ARID1A: variants seen among roughly 807,000 people sequenced by gnomAD.
The protein encoded by ARID1A is AT-rich interactive domain-containing protein 1A.
ARID1A carries 20 observed loss-of-function variants against 212.6 expected under a neutral mutation model. The observed-to-expected ratio is 0.09, with a 90% CI of 0.07 to 0.14. The LOEUF is 0.14. ARID1A is among the 10% of genes least tolerant of loss of function. ARID1A has a pLI of 1.00. For missense variants in ARID1A, 2,587 were observed against 3,059.0 expected (o/e 0.85, Z 3.64); for synonymous variants, 1,376 against 1,222.1 (o/e 1.13, Z -2.63).
At chr1:26,723,770 A>G (rs2080588707) in intron 1 of ARID1A, among the ~76,000 whole-genome samples, 1 of 152,072 alleles carries the variant, frequency 6.6e-6, no homozygotes, top group African/African-American at 2.4e-5. Context: ...CACCAGAGGG[A>G]TCACAGTACA....
At chr1:26,738,657 C>T (rs2080757621) in intron 4 of ARID1A, among the ~76,000 whole-genome samples, 1 of 152,072 alleles carries the variant, frequency 6.6e-6, no homozygotes, top group Non-Finnish European at 1.5e-5. Context: ...CTCCCGGGTT[C>T]CAGCGATTCT....
intron 1 of ARID1A, among the ~76,000 whole-genome samples, chr1:26,697,827 T>C (rs2080291682): frequency 2.5e-5 from 1 of 39,316 alleles, no homozygotes; most frequent in Non-Finnish European, 4.9e-5. Context: ...GGGCAGAGTG[T>C]GCGGGGAAGG....
rs921300696 is a variant in ARID1A at position 26,771,003 on chromosome 1, C to T, written c.3199-116C>T. On this transcript the variant is annotated intron_variant, in intron 11 of 19. Transcript: ENST00000324856. This position sits in a 1 kb window ranked among gnomAD's most constrained non-coding sequence, Gnocchi z 5.4. ...CAAGCAAGATTAACTTTTTCAATTACCTAAGAACTGTGGTTCTACAAAGAT... is the reference window on the plus strand; with the variant it reads ...CAAGCAAGATTAACTTTTTCAATTATCTAAGAACTGTGGTTCTACAAAGAT... The T allele has an allele frequency of 3.3e-5, 30 of 904,794 alleles. No homozygotes were observed. In the African/African-American group the frequency reaches 4.5e-4, roughly 14 times the overall value. The allele number at this position is 904,794 out of a possible 1,614,324, so 56.0% of individuals were successfully genotyped here.
At chr1:26,758,334 C>G (rs988631934) in intron 4 of ARID1A, among the ~76,000 whole-genome samples, 12 of 152,080 alleles carry the variant, frequency 7.9e-5, no homozygotes, top group African/African-American at 2.9e-4. Flanking sequence ...CTTATCATAT[C>G]AGGAGTTTGG....
At chr1:26,763,338 C>A in intron 8 of ARID1A, 53 bp downstream of exon 8, 1 of 1,503,286 alleles carries the variant, frequency 6.7e-7, no homozygotes, top group Non-Finnish European at 8.9e-7. Flanking sequence ...TATTATAGAC[C>A]CACTCAGATT....
intron 1 of ARID1A, among the ~76,000 whole-genome samples, chr1:26,720,133 C>T (rs12139449): frequency 1.3e-5 from 2 of 151,648 alleles, no homozygotes; most frequent in African/African-American, 4.9e-5. Context: ...CACCTGTAAT[C>T]TCAGCTACTC....
At chr1:26,708,390 T>G (rs529545972) in intron 1 of ARID1A, among the ~76,000 whole-genome samples, 1 of 147,090 alleles carries the variant, frequency 6.8e-6, no homozygotes, top group Admixed American at 7.0e-5. Flanking sequence ...GTTCAAGTGA[T>G]TCTTCTGCCT....
chr1:26,725,039 C>T (rs2080603571), intron 1 of ARID1A, among the ~76,000 whole-genome samples: 1 of 151,742 alleles, frequency 6.6e-6, no homozygotes, highest in Non-Finnish European at 1.5e-5. Context: ...GGGGGCCCGA[C>T]TTTGCTGATC....
intron 5 of ARID1A, 104 bp downstream of exon 5, chr1:26,761,200 G>A (rs2080989003): frequency 6.6e-7 from 1 of 1,523,174 alleles, no homozygotes; most frequent in Non-Finnish European, 8.9e-7. Context: ...TCTGGCTCAT[G>A]CCTGCATAGT....
At chr1:26,734,808 C>T (rs1180818529) in intron 4 of ARID1A, among the ~76,000 whole-genome samples, 1 of 152,120 alleles carries the variant, frequency 6.6e-6, no homozygotes, top group African/African-American at 2.4e-5. Context: ...TAAAGGATCC[C>T]TAGGTTTGCC....
At chr1:26,714,660 C>T (rs1010021860) in intron 1 of ARID1A, among the ~76,000 whole-genome samples, 30 of 152,254 alleles carry the variant, frequency 2.0e-4, no homozygotes, top group African/African-American at 7.2e-4. Context: ...CATGATCCAC[C>T]TGCCTCTGCC....
intron 19 of ARID1A, chr1:26,778,052 G>A (rs527525325): frequency 6.8e-6 from 1 of 146,092 alleles, no homozygotes; most frequent in African/African-American, 2.5e-5. Context: ...CTGGGCAACA[G>A]AGCGGGACTC....
intron 1 of ARID1A, among the ~76,000 whole-genome samples, chr1:26,708,612 G>C: frequency 6.6e-6 from 1 of 151,786 alleles, no homozygotes. Context: ...CTGAGTGAAA[G>C]TGACTTGAAT....
intron 3 of ARID1A, 93 bp from the exon 4 acceptor site, chr1:26,732,583 A>C (rs912052641): frequency 3.0e-6 from 3 of 1,012,022 alleles, no homozygotes; most frequent in Non-Finnish European, 4.6e-6. Context: ...TCTCACACTC[A>C]TGAGAGACAG....
At chr1:26,703,342 GCTGT>G (rs1278300528) in intron 1 of ARID1A, among the ~76,000 whole-genome samples, 3 of 152,280 alleles carry the variant, frequency 2.0e-5, no homozygotes, top group African/African-American at 4.8e-5. Context: ...GAATATTTTA[GCTGT>G]CTGTCTGTGG....
intron 1 of ARID1A, among the ~76,000 whole-genome samples, chr1:26,714,268 A>G (rs2124767431): frequency 1.3e-5 from 2 of 152,320 alleles, no homozygotes; most frequent in Admixed American, 1.3e-4. Context: ...ACAGTGGTGT[A>G]GATGAGGTTG....
chr1:26,763,554 T>C, intron 8 of ARID1A, among the ~76,000 whole-genome samples: 1 of 152,160 alleles, frequency 6.6e-6, no homozygotes, highest in East Asian at 1.9e-4. Flanking sequence ...GGGCAGATCA[T>C]GAGGTCAGAA....
At chr1:26,722,638 A>AT (rs1302226441) in intron 1 of ARID1A, among the ~76,000 whole-genome samples, 2 of 152,206 alleles carry the variant, frequency 1.3e-5, no homozygotes, top group Non-Finnish European at 2.9e-5. Flanking sequence ...CTAGTTGTTG[A>AT]TTCCTCTCTC....
chr1:26,767,608 C>G (rs1266483670), intron 10 of ARID1A, among the ~76,000 whole-genome samples, 182 bp from the exon 11 acceptor site: 1 of 152,138 alleles, frequency 6.6e-6, no homozygotes, highest in Non-Finnish European at 1.5e-5. Context: ...AGCTTCCTTC[C>G]TTTATAGGAA....
Sources: allele counts gnomAD v4.1 joint callset (sites outside exome capture counted in the v4.1 genomes callset), GRCh38; gene constraint gnomAD v4.1.1; non-coding constraint Gnocchi (gnomAD v3.1); transcripts MANE v1.5; gene names NCBI Gene and HGNC (gene_info 2026-07-23, HGNC 2026-07-21).